The following TPH2 variants were observed in gnomAD, a reference collection of about 807,000 sequenced individuals.
TPH2 encodes tryptophan 5-hydroxylase 2.
Under a neutral mutation model 59.1 loss-of-function variants are expected in TPH2, and 27 were observed. The ratio of observed to expected loss-of-function variants is 0.46; its 90% CI spans 0.34 to 0.63. The LOEUF is 0.63. TPH2 is among the 30% of genes least tolerant of loss of function. TPH2 has a pLI of 0.01. For synonymous variants in TPH2, 220 were observed against 210.5 expected, an observed-to-expected ratio of 1.05 and a Z score of -0.39; for missense variants, 523 against 588.3, an observed-to-expected ratio of 0.89 and a Z score of 1.15.
At chr12:71,954,503 C>T (rs1871440074) in intron 5 of TPH2, among the ~76,000 whole-genome samples, 1 of 152,066 alleles carries the variant, frequency 6.6e-6, no homozygotes, top group Non-Finnish European at 1.5e-5. Flanking sequence ...GAAAAAAGTA[C>T]CCCATGATTA....
chr12:71,961,916 G>A (rs1258459387), intron 5 of TPH2: 5 of 1,068,000 alleles, frequency 4.7e-6, no homozygotes, highest in East Asian at 1.5e-4. Context: ...TATTAACAAC[G>A]CGAACAAAAC....
intron 8 of TPH2, among the ~76,000 whole-genome samples, chr12:72,011,330 T>C (rs1873094032): frequency 6.6e-6 from 1 of 152,234 alleles, no homozygotes; most frequent in Non-Finnish European, 1.5e-5. Flanking sequence ...GAATAAAATA[T>C]GCCTGTTTGT....
At chr12:71,962,367 G>T in intron 5 of TPH2, 1 of 985,412 alleles carries the variant, frequency 1.0e-6, no homozygotes, top group Non-Finnish European at 1.2e-6. Context: ...GTTAAGTTCG[G>T]ACTTTTCTGT....
At chr12:71,975,345 A>T (rs909693626) in intron 6 of TPH2, among the ~76,000 whole-genome samples, 8 of 152,170 alleles carry the variant, frequency 5.3e-5, no homozygotes, top group African/African-American at 1.9e-4. Context: ...ACTCTGTCTC[A>T]AAACAAACAA....
At chr12:72,018,539 G>C (rs763771350) in intron 8 of TPH2, among the ~76,000 whole-genome samples, 2 of 152,070 alleles carry the variant, frequency 1.3e-5, no homozygotes, top group Non-Finnish European at 2.9e-5. Context: ...TGTATGCATT[G>C]ATTCAGCATA....
intron 9 of TPH2, among the ~76,000 whole-genome samples, chr12:72,027,679 A>G (rs915076509): frequency 6.6e-6 from 1 of 152,160 alleles, no homozygotes; most frequent in Non-Finnish European, 1.5e-5. Flanking sequence ...AGAAATTTTT[A>G]TATTCAAAAA....
At chr12:71,979,184 A>G in intron 7 of TPH2, 97 bp downstream of exon 7, 6 of 1,522,228 alleles carry the variant, frequency 3.9e-6, no homozygotes, top group South Asian at 3.4e-5. Flanking sequence ...CCTCCAAACT[A>G]ATTTCCTTGA....
At chr12:71,982,106 C>G (rs1173444485) in intron 7 of TPH2, among the ~76,000 whole-genome samples, 2 of 144,176 alleles carry the variant, frequency 1.4e-5, no homozygotes, top group East Asian at 4.2e-4. Context: ...TGGATTCAAG[C>G]AATTCTCCTG....
intron 4 of TPH2, among the ~76,000 whole-genome samples, chr12:71,949,130 T>C (rs1361947669): frequency 6.6e-6 from 1 of 152,236 alleles, no homozygotes; most frequent in Non-Finnish European, 1.5e-5. Flanking sequence ...GTGTCTATTA[T>C]TCTAAATGAT....
intron 8 of TPH2, among the ~76,000 whole-genome samples, chr12:72,011,082 C>T (rs1045805141): frequency 2.0e-5 from 3 of 152,132 alleles, no homozygotes; most frequent in Non-Finnish European, 2.9e-5. Context: ...GTGTGTGTGT[C>T]CATGTCCTCA....
At chr12:72,008,837 G>T (rs1473051882) in intron 8 of TPH2, among the ~76,000 whole-genome samples, 2 of 152,080 alleles carry the variant, frequency 1.3e-5, no homozygotes, top group Non-Finnish European at 2.9e-5. Flanking sequence ...TTGTCCTGGA[G>T]AGCCAATTTG....
At chr12:71,977,219 G>T (rs1386638533) in intron 6 of TPH2, among the ~76,000 whole-genome samples, 3 of 152,052 alleles carry the variant, frequency 2.0e-5, no homozygotes, top group African/African-American at 7.2e-5. Flanking sequence ...GTCTATGCCA[G>T]CTCATTTTTT....
intron 7 of TPH2, among the ~76,000 whole-genome samples, chr12:71,984,768 G>A (rs1293732248): frequency 6.6e-6 from 1 of 152,154 alleles, no homozygotes; most frequent in Non-Finnish European, 1.5e-5. Flanking sequence ...CTTGGAAAAT[G>A]GCATGTTCCC....
chr12:72,005,815 G>A (rs1190344662), intron 8 of TPH2, among the ~76,000 whole-genome samples: 1 of 152,044 alleles, frequency 6.6e-6, no homozygotes, highest in Non-Finnish European at 1.5e-5. Context: ...TTAAAGAATT[G>A]TTTTCCACAC....
At chr12:71,974,611 G>T (rs2139205312) in intron 6 of TPH2, among the ~76,000 whole-genome samples, 1 of 152,268 alleles carries the variant, frequency 6.6e-6, no homozygotes, top group Middle Eastern at 3.4e-3. Context: ...AATAACATCT[G>T]CAAAGTCTCT....
chr12:71,996,838 A>G (rs1308864375), intron 8 of TPH2, among the ~76,000 whole-genome samples: 1 of 152,224 alleles, frequency 6.6e-6, no homozygotes, highest in Non-Finnish European at 1.5e-5. Context: ...TTTTCAGTCC[A>G]TCAAATTATG....
intron 8 of TPH2, among the ~76,000 whole-genome samples, chr12:71,997,366 C>A (rs964928131): frequency 2.0e-5 from 3 of 152,182 alleles, no homozygotes; most frequent in African/African-American, 7.2e-5. Flanking sequence ...AACATATTCA[C>A]AGGTTCTGGG....
At chr12:71,965,409 A>T (rs954896760) in intron 5 of TPH2, 1 of 152,220 alleles carries the variant, frequency 6.6e-6, no homozygotes, top group Non-Finnish European at 1.5e-5. Context: ...CCAACAGTGT[A>T]TAAGTGTTTC....
chr12:71,985,449 A>G (rs915356738), intron 7 of TPH2, among the ~76,000 whole-genome samples: 1 of 151,922 alleles, frequency 6.6e-6, no homozygotes, highest in African/African-American at 2.4e-5. Context: ...CCCGGGCTGG[A>G]GGGCAGTGGT....
Sources: allele counts gnomAD v4.1 joint callset (sites outside exome capture counted in the v4.1 genomes callset), GRCh38; gene constraint gnomAD v4.1.1; transcripts MANE v1.5; gene names NCBI Gene and HGNC (gene_info 2026-07-23, HGNC 2026-07-21).